TARS3: variants seen among roughly 807,000 people sequenced by gnomAD.
TARS3 encodes threonine--tRNA ligase 2, cytoplasmic.
A neutral mutation model predicts 103.5 loss-of-function variants in TARS3; 94 were observed. The observed-to-expected ratio is 0.91, with a 90% CI of 0.77 to 1.08. The LOEUF is 1.08. Among genes scored for constraint, TARS3 ranks in the 50% least tolerant of loss-of-function variants. The probability of loss-of-function intolerance (pLI) is 0.00; values close to 1 mark genes in which losing one functional copy is unlikely to be tolerated. For missense variants in TARS3, 952 were observed against 995.2 expected (o/e 0.96, Z 0.58); for synonymous variants, 416 against 355.4 (o/e 1.17, Z -1.92).
chr15:101,709,469 G>A (rs1210397612), intron 5 of TARS3, among the ~76,000 whole-genome samples: 1 of 152,162 alleles, frequency 6.6e-6, no homozygotes, highest in African/African-American at 2.4e-5. Flanking sequence ...CACCAGGACA[G>A]TCCCACAGAG....
chr15:101,696,602 A>G (rs1286853572), intron 10 of TARS3, among the ~76,000 whole-genome samples: 3 of 152,322 alleles, frequency 2.0e-5, no homozygotes, highest in South Asian at 2.1e-4. Context: ...AGGTACTGCT[A>G]TAACTGAGAA....
In TARS3 at chr15:101,654,516, G is replaced by T. The variant is rs1897126596; in HGVS notation, c.*66C>A. 1 of 1,563,916 alleles carries T rather than the reference G, an allele frequency of 6.4e-7. No individual in the cohort carries two copies. Among genetic ancestry groups the T allele is most frequent in the Admixed American group, 1.9e-5 (1 of 51,336 alleles). ...TCCAAAGTCGTAGAAGTACTAACAT[G>T]TTAAGAAAAATACATTTTTAAGGGT... On this transcript the variant is annotated 3_prime_UTR_variant, in exon 19 of 19. Coordinates refer to ENST00000335968, the MANE Select transcript of TARS3 (RefSeq NM_152334.3).
intron 4 of TARS3, among the ~76,000 whole-genome samples, chr15:101,713,850 A>G (rs1899995568): frequency 6.6e-6 from 1 of 152,244 alleles, no homozygotes; most frequent in African/African-American, 2.4e-5. Context: ...TTCAGTCTAC[A>G]GTACTGAACT....
At chr15:101,666,055 T>C (rs1897565326) in intron 15 of TARS3, among the ~76,000 whole-genome samples, 1 of 152,230 alleles carries the variant, frequency 6.6e-6, no homozygotes, top group Admixed American at 6.5e-5. Context: ...AATGTTCTAA[T>C]ATTTACCTCA....
At chr15:101,692,248 T>C (rs1284110152) in intron 10 of TARS3, among the ~76,000 whole-genome samples, 1 of 152,186 alleles carries the variant, frequency 6.6e-6, no homozygotes, top group African/African-American at 2.4e-5. Flanking sequence ...ACAGCTTCTG[T>C]TGTGTGGCCT....
At chr15:101,700,870 G>T (rs950816419) in intron 10 of TARS3, among the ~76,000 whole-genome samples, 3 of 152,080 alleles carry the variant, frequency 2.0e-5, no homozygotes, top group Non-Finnish European at 4.4e-5. Flanking sequence ...TCGAACTCCT[G>T]ACCTCAGGTG....
intron 15 of TARS3, among the ~76,000 whole-genome samples, chr15:101,665,534 G>C (rs1897547502): frequency 6.6e-6 from 1 of 152,156 alleles, no homozygotes; most frequent in African/African-American, 2.4e-5. Context: ...CGTGCAAATA[G>C]CATAGACCAC....
At position 101,714,807 on chromosome 15, in the gene TARS3, C is replaced by T. The variant is rs771419790; in HGVS notation, c.690+33G>A. 4.4e-6 allele frequency: 7 copies of T among 1,594,818 alleles called. No homozygotes were observed. The East Asian group carries it at 1.4e-4, about 31-fold the overall frequency. On this transcript the variant is annotated intron_variant, in intron 4 of 18. Transcript: ENST00000335968. ...TAATGTAGTTTACAACATAACTACC[C>T]AAAGTTTGGCTGTCTGGTTTTTAAA...
chr15:101,706,066 C>T (rs1410241664), intron 6 of TARS3, among the ~76,000 whole-genome samples: 2 of 152,274 alleles, frequency 1.3e-5, no homozygotes, highest in East Asian at 1.9e-4. Flanking sequence ...CTGGTTCAAG[C>T]GATTCTGCCT....
chr15:101,681,072 T>C (rs372519389), intron 12 of TARS3, among the ~76,000 whole-genome samples: 1 of 152,240 alleles, frequency 6.6e-6, no homozygotes, highest in Admixed American at 6.5e-5. Context: ...CTCCATTTTA[T>C]TGCCTTCGAA....
At chr15:101,685,865 T>A (rs201040908) in intron 11 of TARS3, 31 bp downstream of exon 11, 191 of 1,585,770 alleles carry the variant, frequency 1.2e-4, no homozygotes, top group Non-Finnish European at 1.5e-4. Context: ...TGTGCTCTCA[T>A]GAAAAGGTCT....
intron 13 of TARS3, among the ~76,000 whole-genome samples, chr15:101,673,066 TC>T (rs1382103740): frequency 6.6e-6 from 1 of 152,138 alleles, no homozygotes; most frequent in African/African-American, 2.4e-5. Flanking sequence ...TGAAGATGTG[TC>T]TCTTTCAAAC....
intron 10 of TARS3, among the ~76,000 whole-genome samples, chr15:101,700,400 G>GA (rs1899202206): frequency 6.6e-6 from 1 of 152,168 alleles, no homozygotes; most frequent in South Asian, 2.1e-4. Context: ...AGCATCAGTG[G>GA]CCCATGGAGC....
At chr15:101,672,851 G>A (rs151155118) in intron 13 of TARS3, among the ~76,000 whole-genome samples, 2 of 152,300 alleles carry the variant, frequency 1.3e-5, no homozygotes, top group Non-Finnish European at 2.9e-5. Flanking sequence ...ACAGGTACAT[G>A]TTTCCAGGAC....
chr15:101,703,468 T>C (rs2141432174), intron 8 of TARS3, among the ~76,000 whole-genome samples: 1 of 152,118 alleles, frequency 6.6e-6, no homozygotes, highest in African/African-American at 2.4e-5. Context: ...TGCAGGCCTG[T>C]AATCACAGCT....
intron 13 of TARS3, 110 bp downstream of exon 13, chr15:101,675,490 A>C: frequency 9.4e-7 from 1 of 1,065,000 alleles, no homozygotes; most frequent in African/African-American, 1.6e-5. Flanking sequence ...CATAATTTCC[A>C]GGTTCAAAAT....
intron 12 of TARS3, among the ~76,000 whole-genome samples, chr15:101,677,984 A>AT (rs34335030): frequency 0.23 from 30,538 of 132,370 alleles, 4,316 homozygotes; most frequent in African/African-American, 0.41. Context: ...TTTGGGGGTC[A>AT]TTTTTTTTTT....
At chr15:101,690,557 T>C (rs182102424) in intron 10 of TARS3, among the ~76,000 whole-genome samples, 21 of 152,196 alleles carry the variant, frequency 1.4e-4, no homozygotes, top group Non-Finnish European at 2.9e-4. Context: ...AAAGAAAGGA[T>C]ACACTATACA....
intron 1 of TARS3, among the ~76,000 whole-genome samples, chr15:101,723,545 C>G (rs1386179724): frequency 6.6e-6 from 1 of 152,152 alleles, no homozygotes; most frequent in Admixed American, 6.5e-5. Flanking sequence ...CTTCAGGACT[C>G]AGAAAGTATG....
Sources: gnomAD v4.1 joint callset for allele counts (sites outside exome capture counted in the v4.1 genomes callset) on GRCh38, gnomAD v4.1.1 for gene constraint, MANE v1.5 for transcripts, NCBI Gene and HGNC (gene_info 2026-07-23, HGNC 2026-07-21) for gene names.